The following LMO7 variants were observed in gnomAD, a reference collection of about 807,000 sequenced individuals.
LMO7 encodes the protein LIM domain 7.
In LMO7, 120 loss-of-function variants were observed where a neutral mutation model predicts 206.5. The observed-to-expected ratio is 0.58, with a 90% CI of 0.50 to 0.68. The LOEUF is 0.68. Ranked by LOEUF, LMO7 falls within the 30% of genes least tolerant of loss-of-function variation. The probability of loss-of-function intolerance (pLI) is 0.00; values close to 1 mark genes in which losing one functional copy is unlikely to be tolerated. For synonymous variants in LMO7, 706 were observed against 681.5 expected (o/e 1.04, Z -0.56); for missense variants, 1,959 against 1,957.9 (o/e 1.00, Z -0.01).
At position 75,857,921 on chromosome 13, in the gene LMO7, C is replaced by A; in HGVS notation, c.4874C>A (p.Ser1625Tyr). 6.3e-7 allele frequency: 1 copy of A among 1,597,330 alleles called. No homozygotes were observed. Among genetic ancestry groups the A allele is most frequent in the Non-Finnish European group, 8.5e-7 (1 of 1,173,580 alleles). Residue 1625 changes from serine (S) to tyrosine (Y), a missense_variant and splice_region_variant, in exon 31 of 31, where the codon TCT becomes TAT. Ser to Tyr is a moderately radical substitution (Grantham distance 144, BLOSUM62 -2). Coordinates refer to ENST00000377534, the MANE Select transcript of LMO7 (RefSeq NM_001306080.2). ...CTTTCTTTTCTCCTTGCCCGATCAG[C>A]TGGACGGCCAACCGCCATGTGATGT... ...YCNDCYLRFK[S>Y]GRPTAM
intron 9 of LMO7, 27 bp from the exon 10 acceptor site, chr13:75,807,453 C>T (rs1462400415): frequency 6.2e-7 from 1 of 1,605,158 alleles, no homozygotes; most frequent in Non-Finnish European, 8.5e-7. Flanking sequence ...ATAAGATTCT[C>T]TTTCCTTTTT....
chr13:75,626,825 A>G (rs2034252995), intron 2 of LMO7: 1 of 151,634 alleles, frequency 6.6e-6, no homozygotes, highest in Non-Finnish European at 1.5e-5. Context: ...AGCTCAAGCA[A>G]TCCGCCCACC....
chr13:75,834,143 C>A, intron 16 of LMO7, 83 bp from the exon 17 acceptor site: 1 of 999,198 alleles, frequency 1.0e-6, no homozygotes, highest in Non-Finnish European at 1.4e-6. Context: ...AATTCAGAGT[C>A]ATTTTTCTTA....
chr13:75,817,265 A>G lies in LMO7; in HGVS notation c.2051A>G (p.Gln684Arg). 6.2e-7 allele frequency: 1 copy of G among 1,606,066 alleles called. No individual in the cohort carries two copies. The highest frequency in any genetic ancestry group is 1.1e-5 in the South Asian group (1 of 90,914). The stretch of plus-strand genomic sequence containing the variant: ...AAATCACAATTAAAAGAACAAGATC[A>G]GAAATGGCAGGATGTGAGTATTTTG... The part of the protein sequence containing the change: ...KIKSQLKEQD[Q>R]KWQDDLAKWK... Residue 684 changes from glutamine to arginine, a missense_variant, in exon 12 of 31, where the codon CAG becomes CGG. Gln to Arg is a conservative substitution (Grantham distance 43). Transcript: ENST00000377534.
chr13:75,812,868 A>G (rs1358179892), intron 11 of LMO7, among the ~76,000 whole-genome samples: 3 of 152,230 alleles, frequency 2.0e-5, no homozygotes, highest in African/African-American at 4.8e-5. Context: ...ATACGATGTG[A>G]TTTGCCAGCT....
intron 11 of LMO7, among the ~76,000 whole-genome samples, chr13:75,813,161 G>A (rs1358457294): frequency 6.6e-6 from 1 of 152,198 alleles, no homozygotes; most frequent in Non-Finnish European, 1.5e-5. Context: ...TGCCATTAAT[G>A]CTGATAAGGG....
intron 4 of LMO7, among the ~76,000 whole-genome samples, chr13:75,777,207 C>T (rs114512189): frequency 6.1e-4 from 93 of 152,278 alleles, no homozygotes; most frequent in African/African-American, 2.0e-3. Context: ...TTCAGTGAAA[C>T]TGTCTATATG....
chr13:75,728,930 A>T (rs2044789536), intron 3 of LMO7, among the ~76,000 whole-genome samples: 1 of 150,082 alleles, frequency 6.7e-6, no homozygotes, highest in African/African-American at 2.5e-5. Flanking sequence ...AAGATCAGAT[A>T]GTTGTAGATA....
At position 75,810,219 on chromosome 13, in the gene LMO7, G is replaced by C. The variant is rs138281196; in HGVS notation, c.1946+1036G>C. Reference sequence around the variant, plus strand: ...CTTTCTGTAACTTTGTGAATCTAAGGGCTAATAGTGTTTGAGCAAGAGGAA... The same window carrying C: ...CTTTCTGTAACTTTGTGAATCTAAGCGCTAATAGTGTTTGAGCAAGAGGAA... On this transcript the variant is annotated intron_variant, in intron 11 of 30. Coordinates refer to ENST00000377534, the MANE Select transcript of LMO7 (RefSeq NM_001306080.2). Among the ~76,000 whole-genome samples, 673 of 152,148 alleles carry C rather than the reference G, an allele frequency of 4.4e-3. 4 individuals are homozygous for C. The highest frequency in any genetic ancestry group is 0.016 in the African/African-American group (645 of 41,498).
chr13:75,737,005 C>T (rs984918648), intron 3 of LMO7, among the ~76,000 whole-genome samples: 3 of 152,100 alleles, frequency 2.0e-5, no homozygotes, highest in Non-Finnish European at 2.9e-5. Flanking sequence ...GAATTGTTCC[C>T]CCCAACCCCA....
intron 1 of LMO7, among the ~76,000 whole-genome samples, chr13:75,653,006 C>A (rs1024604527): frequency 1.3e-5 from 2 of 151,910 alleles, no homozygotes; most frequent in Non-Finnish European, 2.9e-5. Context: ...GAAGTCAACT[C>A]GGGGACAGAA....
Position 75,742,371 on chromosome 13 carries a change from GA to G in LMO7, c.210+15281del, listed in dbSNP as rs565788894. ...ACCAATGACATTCTTCACAGAACTG[GA>G]AAAAAAATTTTTAATATGAAACCAA... On this transcript the variant is annotated intron_variant, in intron 3 of 30. Coordinates refer to ENST00000377534, the MANE Select transcript of LMO7 (RefSeq NM_001306080.2). Among the ~76,000 whole-genome samples, 418 of 151,946 alleles carry G rather than the reference GA, an allele frequency of 2.8e-3. 3 individuals carry two copies. Among genetic ancestry groups the G allele is most frequent in the African/African-American group, 9.6e-3 (397 of 41,468 alleles).
At chr13:75,767,875 G>C (rs2049104881) in intron 4 of LMO7, among the ~76,000 whole-genome samples, 1 of 151,960 alleles carries the variant, frequency 6.6e-6, no homozygotes, top group Non-Finnish European at 1.5e-5. Context: ...TCCCTGTAAT[G>C]GATTTGCTTC....
In LMO7 at chr13:75,687,083, C is replaced by T. The variant is rs113642082; in HGVS notation, c.70-26099C>T. Reference sequence around the variant, plus strand: ...GGGAGATACATTCAGTGCATTGCATCCATCCTGTCAGGAAGTGAGGGGATA... The same window carrying T: ...GGGAGATACATTCAGTGCATTGCATTCATCCTGTCAGGAAGTGAGGGGATA... On this transcript the variant is annotated intron_variant, in intron 1 of 30. Transcript: ENST00000377534. Among the ~76,000 whole-genome samples the T allele has an allele frequency of 2.0e-3, 308 of 152,262 alleles. 1 individual carries two copies. The highest frequency in any genetic ancestry group is 3.8e-3 in the Non-Finnish European group (256 of 68,008).
At position 75,804,453 on chromosome 13, in the gene LMO7, C is replaced by T. The variant is rs751959423; in HGVS notation, c.826C>T (p.Leu276=). The stretch of plus-strand genomic sequence containing the variant: ...ACAGCCATCCTATGTACCAGCACCT[C>T]TGAGAAAGAAAAAGCCAGACAAACA... ...SRQPSYVPAP[L]RKKKPDKHED... The change falls in exon 8 of 31, where the codon CTG becomes TTG. Residue 276 remains leucine (L), a synonymous_variant. Transcript: ENST00000377534. 2.5e-6 allele frequency: 4 copies of T among 1,614,156 alleles called. No homozygotes were observed. The highest frequency in any genetic ancestry group is 1.6e-4 in the Middle Eastern group (1 of 6,062).
intron 7 of LMO7, 143 bp from the exon 8 acceptor site, chr13:75,804,146 G>T (rs774174671): frequency 7.3e-6 from 6 of 827,240 alleles, no homozygotes; most frequent in African/African-American, 6.9e-5. Context: ...TCACAACTTC[G>T]TGACAAATTT....
At chr13:75,817,648 A>G (rs1004032305) in intron 12 of LMO7, among the ~76,000 whole-genome samples, 1 of 152,200 alleles carries the variant, frequency 6.6e-6, no homozygotes, top group African/African-American at 2.4e-5. Context: ...AGAGAAGAGG[A>G]ACAGGGTTCT....
intron 3 of LMO7, among the ~76,000 whole-genome samples, chr13:75,758,193 T>G (rs543608700): frequency 9.6e-4 from 146 of 152,308 alleles, no homozygotes; most frequent in African/African-American, 3.4e-3. Context: ...TTATTTTCCC[T>G]TTTATTTTTG....
intron 3 of LMO7, 139 bp downstream of exon 3, chr13:75,727,237 A>C: frequency 3.9e-6 from 2 of 507,718 alleles, no homozygotes; most frequent in Middle Eastern, 5.1e-4. Flanking sequence ...GTGTTTGGTG[A>C]TGTCCTCCTT....
Sources: allele counts gnomAD v4.1 joint callset (sites outside exome capture counted in the v4.1 genomes callset), GRCh38; gene constraint gnomAD v4.1.1; transcripts MANE v1.5; gene names NCBI Gene and HGNC (gene_info 2026-07-23, HGNC 2026-07-21).